Variants in VRK2 observed in about 807,000 individuals in gnomAD.
VRK2 encodes the protein serine/threonine-protein kinase VRK2.
Under a neutral mutation model 57.6 loss-of-function variants are expected in VRK2, and 60 were observed. The ratio of observed to expected loss-of-function variants is 1.04; its 90% CI spans 0.85 to 1.29. The LOEUF is 1.29. Among genes scored for constraint, VRK2 ranks in the 50% most tolerant of loss-of-function variants. The pLI is 0.00. For missense variants in VRK2, 705 were observed against 588.1 expected (o/e 1.20, Z -2.06); for synonymous variants, 231 against 199.2 (o/e 1.16, Z -1.35).
At chr2:58,053,501 T>A (rs1050284497) in intron 2 of VRK2, among the ~76,000 whole-genome samples, 1 of 152,206 alleles carries the variant, frequency 6.6e-6, no homozygotes, top group African/African-American at 2.4e-5. Flanking sequence ...AAAGTTTAAA[T>A]CATTTATTTT....
At chr2:57,926,488 T>TTA (rs1227258510) in intron 1 of VRK2, among the ~76,000 whole-genome samples, 59 of 145,020 alleles carry the variant, frequency 4.1e-4, no homozygotes, top group African/African-American at 7.8e-4. Context: ...ATATATACAA[T>TTA]TATATATATA....
intron 1 of VRK2, among the ~76,000 whole-genome samples, chr2:57,919,639 C>A (rs1461821772): frequency 6.6e-6 from 1 of 152,020 alleles, no homozygotes; most frequent in Non-Finnish European, 1.5e-5. Flanking sequence ...ATGTCTGTAT[C>A]CAGAAATTTT....
At chr2:57,911,887 A>G (rs981443592) in intron 1 of VRK2, among the ~76,000 whole-genome samples, 1 of 152,218 alleles carries the variant, frequency 6.6e-6, no homozygotes, top group Non-Finnish European at 1.5e-5. Flanking sequence ...TACATTATGT[A>G]TAAGACTTAA....
chr2:58,104,824 A>T (rs116049178), intron 7 of VRK2, among the ~76,000 whole-genome samples: 1 of 152,164 alleles, frequency 6.6e-6, no homozygotes, highest in African/African-American at 2.4e-5. Context: ...GCAAGGCTAT[A>T]GTAACCAAAA....
At chr2:58,038,539 G>A (rs931537523) in intron 3 of VRK2, among the ~76,000 whole-genome samples, 2 of 152,008 alleles carry the variant, frequency 1.3e-5, no homozygotes, top group African/African-American at 4.8e-5. Flanking sequence ...CTCCAGTCCC[G>A]AGTGTAGGAT....
intron 1 of VRK2, among the ~76,000 whole-genome samples, chr2:57,975,019 CTT>C (rs1672206022): frequency 6.6e-6 from 1 of 151,756 alleles, no homozygotes; most frequent in African/African-American, 2.4e-5. Flanking sequence ...ATATGTTAAA[CTT>C]TATACAGCAT....
At chr2:58,068,533 C>T (rs191024090) in intron 2 of VRK2, among the ~76,000 whole-genome samples, 287 of 152,106 alleles carry the variant, frequency 1.9e-3, no homozygotes, top group Admixed American at 4.9e-3. Flanking sequence ...ATTGGGGGTT[C>T]TTTGACATTA....
intron 1 of VRK2, among the ~76,000 whole-genome samples, chr2:57,992,226 A>G (rs1193767844): frequency 2.0e-5 from 3 of 152,224 alleles, no homozygotes; most frequent in Non-Finnish European, 4.4e-5. Context: ...CATGTTTTCA[A>G]TCAGAAGCTA....
intron 1 of VRK2, among the ~76,000 whole-genome samples, chr2:57,927,437 G>C (rs1670577133): frequency 6.6e-6 from 1 of 151,748 alleles, no homozygotes; most frequent in Admixed American, 6.6e-5. Context: ...GCACCATCCT[G>C]GGTTAATTTT....
intron 2 of VRK2, among the ~76,000 whole-genome samples, chr2:58,077,130 C>G (rs1670227389): frequency 6.6e-6 from 1 of 151,978 alleles, no homozygotes. Flanking sequence ...TGGGAAAATT[C>G]TTCAATCTTT....
intron 1 of VRK2, among the ~76,000 whole-genome samples, chr2:57,929,929 T>A (rs1670664230): frequency 6.6e-6 from 1 of 152,032 alleles, no homozygotes; most frequent in Admixed American, 6.6e-5. Flanking sequence ...TGAGCTAGTA[T>A]CCAGCTTGCA....
chr2:58,055,028 G>C, intron 2 of VRK2, among the ~76,000 whole-genome samples: 1 of 152,140 alleles, frequency 6.6e-6, no homozygotes, highest in East Asian at 1.9e-4. Flanking sequence ...TCTGTAGAAA[G>C]ACATCCATTG....
chr2:58,123,846 C>T (rs930971921), intron 8 of VRK2, among the ~76,000 whole-genome samples: 1 of 150,846 alleles, frequency 6.6e-6, no homozygotes, highest in Non-Finnish European at 1.5e-5. Flanking sequence ...CAGAGCAAGA[C>T]CCCTCAGAAA....
intron 1 of VRK2, among the ~76,000 whole-genome samples, chr2:58,004,298 T>C (rs532087766): frequency 1.3e-5 from 2 of 152,302 alleles, no homozygotes; most frequent in African/African-American, 4.8e-5. Context: ...ACTAAGCCAC[T>C]GTGTATTCTC....
chr2:58,011,094 A>G (rs1201184723), intron 1 of VRK2, among the ~76,000 whole-genome samples: 1 of 152,170 alleles, frequency 6.6e-6, no homozygotes, highest in African/African-American at 2.4e-5. Context: ...ACTTTCCCCA[A>G]TGTATGACAA....
chr2:58,019,644 T>A (rs1673689183), intron 1 of VRK2, among the ~76,000 whole-genome samples: 1 of 152,230 alleles, frequency 6.6e-6, no homozygotes, highest in African/African-American at 2.4e-5. Context: ...CAAGTGCTTT[T>A]TAATGTTTGC....
intron 7 of VRK2, among the ~76,000 whole-genome samples, chr2:58,118,147 A>G (rs1676814525): frequency 6.7e-6 from 1 of 149,916 alleles, no homozygotes; most frequent in Non-Finnish European, 1.5e-5. Flanking sequence ...GAAGGGGTTG[A>G]GGGGTTCTTG....
chr2:58,158,891 G>A (rs1684500387), intron 12 of VRK2, among the ~76,000 whole-genome samples: 1 of 152,122 alleles, frequency 6.6e-6, no homozygotes, highest in Non-Finnish European at 1.5e-5. Context: ...CTTTGGCTGT[G>A]TACAGCCTCA....
chr2:58,051,912 AGGG>A, intron 2 of VRK2, among the ~76,000 whole-genome samples: 1 of 152,240 alleles, frequency 6.6e-6, no homozygotes. Context: ...TGAAAAGAGA[AGGG>A]GAGGAAAAAG....
Sources: allele counts gnomAD v4.1 joint callset (sites outside exome capture counted in the v4.1 genomes callset), GRCh38; gene constraint gnomAD v4.1.1; transcripts MANE v1.5; gene names NCBI Gene and HGNC (gene_info 2026-07-23, HGNC 2026-07-21).